The following MYOM2 variants were observed in gnomAD, a reference collection of about 807,000 sequenced individuals.
The protein encoded by MYOM2 is myomesin 2, also known as myomesin-2.
Under a neutral mutation model 187.6 loss-of-function variants are expected in MYOM2, and 254 were observed. The ratio of observed to expected loss-of-function variants is 1.35; its 90% CI spans 1.22 to 1.50. MYOM2 has a LOEUF of 1.50. MYOM2 is among the 40% of genes most tolerant of loss of function. The probability of loss-of-function intolerance (pLI) is 0.00; values close to 1 mark genes in which losing one functional copy is unlikely to be tolerated. For missense variants in MYOM2, 2,796 were observed against 1,924.0 expected, an observed-to-expected ratio of 1.45 and a Z score of -8.48; for synonymous variants, 981 against 753.8, an observed-to-expected ratio of 1.30 and a Z score of -4.94.
intron 15 of MYOM2, among the ~76,000 whole-genome samples, chr8:2,091,883 G>A (rs1796315580): frequency 6.6e-6 from 1 of 152,234 alleles, no homozygotes; most frequent in Non-Finnish European, 1.5e-5. Flanking sequence ...GTCCACTAGT[G>A]GGGCCTGGCA....
intron 32 of MYOM2, among the ~76,000 whole-genome samples, chr8:2,134,872 A>G (rs545863293): frequency 6.6e-6 from 1 of 152,210 alleles, no homozygotes; most frequent in African/African-American, 2.4e-5. Context: ...CTACAATCCC[A>G]GAAGTCCTGG....
At position 2,085,327 on chromosome 8, in the gene MYOM2, C is replaced by G; in HGVS notation, c.1581C>G (p.Val527=). The change falls in exon 14 of 37, where the codon GTC becomes GTG. Residue 527 remains valine, a synonymous_variant. Coordinates refer to ENST00000262113, the MANE Select transcript of MYOM2 (RefSeq NM_003970.4). ...CTTCCGAGATCAGCAGAAACTATGTCGTCCTCAGCTGGGAGCCACCCACTC... is the reference window on the plus strand; with the variant it reads ...CTTCCGAGATCAGCAGAAACTATGTGGTCCTCAGCTGGGAGCCACCCACTC... ...VHASEISRNY[V]VLSWEPPTPR... The G allele has an allele frequency of 6.2e-7, 1 of 1,614,188 alleles. No homozygotes were observed.
intron 23 of MYOM2, among the ~76,000 whole-genome samples, chr8:2,108,136 C>G (rs996416982): frequency 6.6e-6 from 1 of 152,192 alleles, no homozygotes; most frequent in Non-Finnish European, 1.5e-5. Context: ...AGATCACCAT[C>G]TTCTTTCTGA....
chr8:2,090,664 A>T (rs1343935278), intron 15 of MYOM2, among the ~76,000 whole-genome samples: 1 of 151,900 alleles, frequency 6.6e-6, no homozygotes, highest in Non-Finnish European at 1.5e-5. Context: ...ATTTCCATCT[A>T]TGTGTCCATG....
At chr8:2,049,322 C>G (rs1283116328) in intron 1 of MYOM2, among the ~76,000 whole-genome samples, 1 of 152,150 alleles carries the variant, frequency 6.6e-6, no homozygotes, top group African/African-American at 2.4e-5. Context: ...AAGAATTTCT[C>G]CTTTCTGGCC....
At chr8:2,059,046 G>C (rs1279405181) in intron 5 of MYOM2, 107 bp from the exon 6 acceptor site, 12 of 876,458 alleles carry the variant, frequency 1.4e-5, no homozygotes, top group Non-Finnish European at 2.0e-5. Context: ...GAGGCTCTAA[G>C]GGAAACCTGC....
chr8:2,079,042 C>A, intron 12 of MYOM2, 109 bp downstream of exon 12: 3 of 1,061,706 alleles, frequency 2.8e-6, no homozygotes, highest in Non-Finnish European at 4.3e-6. Context: ...TGAGAATGCC[C>A]TGTGTGCAGA....
intron 4 of MYOM2, 58 bp from the exon 5 acceptor site, chr8:2,057,565 C>T (rs569051309): frequency 2.5e-4 from 397 of 1,612,588 alleles, no homozygotes; most frequent in African/African-American, 2.0e-3. Context: ...CTTGAGGGGC[C>T]GAGGGTGGAG....
At chr8:2,122,684 T>C (rs1797497500) in intron 28 of MYOM2, among the ~76,000 whole-genome samples, 1 of 152,140 alleles carries the variant, frequency 6.6e-6, no homozygotes, top group South Asian at 2.1e-4. Flanking sequence ...TGCCGGAGCA[T>C]GTGAATTGGA....
intron 14 of MYOM2, among the ~76,000 whole-genome samples, chr8:2,086,501 T>TGTCGTGATCTCTGCGTGGCCCCCCACA (rs1796077452): frequency 6.2e-5 from 9 of 145,504 alleles, no homozygotes; most frequent in Non-Finnish European, 4.6e-5. Context: ...GGCCCCCCAC[T>TGTCGTGATCTCTGCGTGGCCCCCCACA]GTCGTGATCT....
At chr8:2,132,818 G>C (rs1797922438) in intron 32 of MYOM2, among the ~76,000 whole-genome samples, 2 of 152,308 alleles carry the variant, frequency 1.3e-5, no homozygotes, top group South Asian at 4.1e-4. Context: ...GTCTGACTTT[G>C]TAAATGCTCT....
chr8:2,144,533 C>T, intron 36 of MYOM2, 131 bp from the exon 37 acceptor site: 1 of 940,286 alleles, frequency 1.1e-6, no homozygotes, highest in Non-Finnish European at 1.6e-6. Flanking sequence ...TACATAAAGG[C>T]TTGTTTCTAA....
chr8:2,145,253 C>G lies in MYOM2; in HGVS notation c.*272C>G. 1 of 557,048 alleles carries G rather than the reference C, an allele frequency of 1.8e-6. No individual in the cohort carries two copies. Among genetic ancestry groups the G allele is most frequent in the Non-Finnish European group, 3.1e-6 (1 of 318,474 alleles). 34.5% of individuals were successfully genotyped at this position (557,048 alleles called of 1,614,324 possible). The stretch of plus-strand genomic sequence containing the variant: ...AGAGAGTGGGTTGGCAGACAACACA[C>G]TAGAATTTTCACGGGTGTGGGCACA... On this transcript the variant is annotated 3_prime_UTR_variant, in exon 37 of 37. Coordinates refer to ENST00000262113, the MANE Select transcript of MYOM2 (RefSeq NM_003970.4).
rs1363031865 is a variant in MYOM2 at position 2,100,933 on chromosome 8, G to T, written c.2498G>T (p.Trp833Leu). 6.2e-7 allele frequency: 1 copy of T among 1,614,072 alleles called. No homozygotes were observed. The highest frequency in any genetic ancestry group is 1.3e-5 in the African/African-American group (1 of 74,932). ...EVRDTSLVML[W>L]KAPVYSGSSP... is the part of the protein sequence containing the mutation. ...AGGGACACGTCCTTGGTCATGCTGT[G>T]GAAGGCCCCTGTGTACTCCGGCAGC... Residue 833 changes from tryptophan (W) to leucine (L), a missense_variant, in exon 20 of 37, where the codon TGG becomes TTG. Transcript: ENST00000262113.
Position 2,064,039 on chromosome 8 carries a change from G to C in MYOM2, c.653+4794G>C, listed in dbSNP as rs538305153. Among the ~76,000 whole-genome samples, 91 of 152,318 alleles carry C rather than the reference G, an allele frequency of 6.0e-4. 2 individuals are homozygous for C. In the South Asian group the frequency reaches 0.015, roughly 25 times the overall value. ...CCTCGGGAAGGGGAGGAAGACGGGG[G>C]TCCTTTGGAAACTGCCCATGGGCCA... On this transcript the variant is annotated intron_variant, in intron 6 of 36. Coordinates refer to ENST00000262113, the MANE Select transcript of MYOM2 (RefSeq NM_003970.4).
At chr8:2,064,806 C>T (rs1818963457) in intron 6 of MYOM2, among the ~76,000 whole-genome samples, 1 of 152,222 alleles carries the variant, frequency 6.6e-6, no homozygotes, top group Non-Finnish European at 1.5e-5. Context: ...CCTCTCCTGG[C>T]ACCAGTGATC....
intron 28 of MYOM2, among the ~76,000 whole-genome samples, chr8:2,120,386 G>A (rs904157821): frequency 6.6e-6 from 1 of 151,752 alleles, no homozygotes; most frequent in African/African-American, 2.4e-5. Flanking sequence ...GGACACTGGG[G>A]TGTGAGCTTG....
At chr8:2,105,574 G>T (rs2116798098) in intron 21 of MYOM2, among the ~76,000 whole-genome samples, 1 of 152,336 alleles carries the variant, frequency 6.6e-6, no homozygotes, top group African/African-American at 2.4e-5. Flanking sequence ...CAGAGAAGGA[G>T]ATTCCAGAGA....
In MYOM2 at chr8:2,123,381, T is replaced by C. The variant is rs1321674776; in HGVS notation, c.3567+16T>C. On this transcript the variant is annotated intron_variant, in intron 29 of 36. Coordinates refer to ENST00000262113, the MANE Select transcript of MYOM2 (RefSeq NM_003970.4). ...CATCCCAAAGGTATCAGGCATTGAGTAACACAAGAAAGCAAAACAAAAACG... is the reference window on the plus strand; with the variant it reads ...CATCCCAAAGGTATCAGGCATTGAGCAACACAAGAAAGCAAAACAAAAACG... The C allele has an allele frequency of 6.7e-7, 1 of 1,491,588 alleles. No homozygotes were observed. Among genetic ancestry groups the C allele is most frequent in the Non-Finnish European group, 9.0e-7 (1 of 1,113,986 alleles). 92.4% of individuals were successfully genotyped at this position (1,491,588 alleles called of 1,614,324 possible). A position where few individuals can be genotyped will look rare whatever the true frequency, so the allele number is the denominator to read the frequency against.
Sources: allele counts gnomAD v4.1 joint callset (sites outside exome capture counted in the v4.1 genomes callset), GRCh38; gene constraint gnomAD v4.1.1; transcripts MANE v1.5; gene names NCBI Gene and HGNC (gene_info 2026-07-23, HGNC 2026-07-21).